Variants in DOK5 observed in about 807,000 individuals in gnomAD.
The protein encoded by DOK5 is docking protein 5, also known as downstream of tyrosine kinase 5.
In DOK5, 27 loss-of-function variants were observed where a neutral mutation model predicts 43.3. The ratio of observed to expected loss-of-function variants is 0.62; its 90% CI spans 0.46 to 0.86. The LOEUF is 0.86. Ranked by LOEUF, DOK5 falls within the 40% of genes least tolerant of loss-of-function variation. DOK5 has a pLI of 0.00. For missense variants in DOK5, 373 were observed against 392.9 expected (o/e 0.95, Z 0.43); for synonymous variants, 146 against 140.1 (o/e 1.04, Z -0.30).
intron 7 of DOK5, among the ~76,000 whole-genome samples, chr20:54,645,671 G>A (rs1466929662): frequency 1.3e-5 from 2 of 151,936 alleles, no homozygotes; most frequent in Admixed American, 6.6e-5. Flanking sequence ...GATGATGGCC[G>A]GTTTTCATTT....
At chr20:54,626,173 A>G (rs1304759715) in intron 6 of DOK5, among the ~76,000 whole-genome samples, 1 of 152,228 alleles carries the variant, frequency 6.6e-6, no homozygotes, top group Non-Finnish European at 1.5e-5. Context: ...TGGCTTATAA[A>G]TGATGCCCAG....
chr20:54,639,082 A>T (rs998039210), intron 6 of DOK5, among the ~76,000 whole-genome samples: 4 of 152,172 alleles, frequency 2.6e-5, no homozygotes, highest in African/African-American at 9.7e-5. Flanking sequence ...TTTTCTAAGA[A>T]AGGGAAGCCC....
At chr20:54,480,446 G>C (rs1202375795) in intron 1 of DOK5, among the ~76,000 whole-genome samples, 1 of 152,158 alleles carries the variant, frequency 6.6e-6, no homozygotes, top group African/African-American at 2.4e-5. Context: ...CCATGGCAAC[G>C]TCAGGAAGTT....
chr20:54,571,615 G>A (rs1985284008), intron 2 of DOK5, among the ~76,000 whole-genome samples: 1 of 151,876 alleles, frequency 6.6e-6, no homozygotes, highest in African/African-American at 2.4e-5. Flanking sequence ...TTCAGACATT[G>A]CCAAGTATCT....
At chr20:54,601,065 A>G (rs903791763) in intron 5 of DOK5, among the ~76,000 whole-genome samples, 1 of 152,194 alleles carries the variant, frequency 6.6e-6, no homozygotes, top group African/African-American at 2.4e-5. Flanking sequence ...AGCCAGAAGG[A>G]TTTACTGACA....
chr20:54,537,712 G>T (rs1030352616), intron 1 of DOK5, among the ~76,000 whole-genome samples: 3 of 151,918 alleles, frequency 2.0e-5, no homozygotes, highest in African/African-American at 7.3e-5. Flanking sequence ...TAACATTCAT[G>T]TCAACAGGGC....
rs934568240 is a variant in DOK5, at chr20:54,577,209, A to G, written c.175-11274A>G. Among the ~76,000 whole-genome samples the G allele has an allele frequency of 5.9e-5, 9 of 152,326 alleles. 1 individual carries two copies. The highest frequency in any genetic ancestry group is 1.9e-4 in the East Asian group (1 of 5,182). The stretch of plus-strand genomic sequence containing the variant: ...TTTATTGATCCTTGTAATGGGTTTA[A>G]TAATAGTTTACCAAGGATGTTATAT... On this transcript the variant is annotated intron_variant, in intron 2 of 7. Coordinates refer to ENST00000262593, the MANE Select transcript of DOK5 (RefSeq NM_018431.5).
intron 1 of DOK5, among the ~76,000 whole-genome samples, chr20:54,554,356 C>T (rs552009150): frequency 6.6e-6 from 1 of 152,210 alleles, no homozygotes; most frequent in Non-Finnish European, 1.5e-5. Flanking sequence ...CCAGCATTGA[C>T]CTTTCAATTT....
chr20:54,605,108 TACAC>T (rs11471905), intron 5 of DOK5, among the ~76,000 whole-genome samples: 4 of 149,042 alleles, frequency 2.7e-5, no homozygotes, highest in African/African-American at 7.5e-5. Context: ...CCATATATTC[TACAC>T]ACACACACAC....
intron 1 of DOK5, among the ~76,000 whole-genome samples, chr20:54,547,314 A>G (rs1283766242): frequency 6.6e-6 from 1 of 152,222 alleles, no homozygotes; most frequent in Non-Finnish European, 1.5e-5. Flanking sequence ...GTGGTAGATT[A>G]TAAAGGCCTA....
intron 6 of DOK5, among the ~76,000 whole-genome samples, chr20:54,625,636 C>G (rs1987110060): frequency 6.6e-6 from 1 of 152,210 alleles, no homozygotes; most frequent in Non-Finnish European, 1.5e-5. Context: ...ACCCTTAGTA[C>G]TTGTTCCCCC....
In DOK5 at chr20:54,585,748, A is replaced by C. The variant is rs376055239; in HGVS notation, c.175-2735A>C. Reference sequence around the variant, plus strand: ...GTATGACTTTAACCTTTCGCAGTCTAGTTTCCTCATCTGTGAAAAAGGTGA... The same window carrying C: ...GTATGACTTTAACCTTTCGCAGTCTCGTTTCCTCATCTGTGAAAAAGGTGA... On this transcript the variant is annotated intron_variant, in intron 2 of 7. Transcript: ENST00000262593. 5.3e-5 allele frequency among the ~76,000 whole-genome samples: 8 copies of C among 152,218 alleles called. No individual in the cohort carries two copies. In the East Asian group the frequency reaches 7.7e-4, roughly 15 times the overall value.
chr20:54,627,414 T>C (rs1978345644), intron 6 of DOK5, among the ~76,000 whole-genome samples: 1 of 152,240 alleles, frequency 6.6e-6, no homozygotes, highest in African/African-American at 2.4e-5. Flanking sequence ...TGCATTTTAT[T>C]GGACATATTA....
chr20:54,622,417 G>A (rs756890668), intron 6 of DOK5, among the ~76,000 whole-genome samples: 12 of 152,082 alleles, frequency 7.9e-5, no homozygotes, highest in Non-Finnish European at 1.3e-4. Flanking sequence ...TTATAACAAC[G>A]TAATAACTTG....
In DOK5 at chr20:54,588,785, G is replaced by A. The variant is rs760986080; in HGVS notation, c.388G>A (p.Gly130Arg). 5 of 1,613,948 alleles carry A rather than the reference G, an allele frequency of 3.1e-6. No individual in the cohort carries two copies. The South Asian group carries it at 4.4e-5, about 14-fold the overall frequency. The change falls in exon 4 of 8, where the codon GGG becomes AGG. Residue 130 changes from glycine (G) to arginine (R), a missense_variant. By Grantham distance (125) the Gly-to-Arg change is moderately radical (BLOSUM62 -2). Transcript: ENST00000262593. ...SLGEPDLLATGVEREQSERFN... is the reference protein window; with the variant it reads ...SLGEPDLLATRVEREQSERFN... ...TGGAGAGCCTGACTTACTGGCCACTGGGGTTGAGAGAGAACAGAGTGGTAT... is the reference window on the plus strand; with the variant it reads ...TGGAGAGCCTGACTTACTGGCCACTAGGGTTGAGAGAGAACAGAGTGGTAT...
chr20:54,648,891 A>G (rs1044251335), intron 7 of DOK5, among the ~76,000 whole-genome samples: 12 of 152,226 alleles, frequency 7.9e-5, no homozygotes, highest in Non-Finnish European at 1.3e-4. Flanking sequence ...TCTCAAAGTT[A>G]TCATCTCAGC....
chr20:54,538,301 G>A lies in DOK5; in HGVS notation c.67-16632G>A, dbSNP rs1461681596. On this transcript the variant is annotated intron_variant, in intron 1 of 7. Transcript: ENST00000262593. ...AATGAAATAATGGCTGAAAAGATTT[G>A]GCAGAAGGAAGTTTACTCATCCAGT... Among the ~76,000 whole-genome samples the A allele has an allele frequency of 3.3e-5, 5 of 151,458 alleles. No individual in the cohort carries two copies. The South Asian group carries it at 1.0e-3, about 32-fold the overall frequency.
chr20:54,587,252 G>A (rs1985835271), intron 2 of DOK5, among the ~76,000 whole-genome samples: 1 of 152,082 alleles, frequency 6.6e-6, no homozygotes, highest in African/African-American at 2.4e-5. Context: ...GAGGAGAAGT[G>A]GTGTGACATT....
intron 1 of DOK5, among the ~76,000 whole-genome samples, chr20:54,545,845 T>A (rs1203121317): frequency 6.6e-6 from 1 of 152,182 alleles, no homozygotes; most frequent in Non-Finnish European, 1.5e-5. Context: ...GAACTTAAAA[T>A]CACAAACGCA....
Sources: gnomAD v4.1 joint callset for allele counts (sites outside exome capture counted in the v4.1 genomes callset) on GRCh38, gnomAD v4.1.1 for gene constraint, MANE v1.5 for transcripts, NCBI Gene and HGNC (gene_info 2026-07-23, HGNC 2026-07-21) for gene names.